The following AFG1L variants were observed in gnomAD, a reference collection of about 807,000 sequenced individuals.
The protein encoded by AFG1L is AFG1-like ATPase.
In AFG1L, 53 loss-of-function variants were observed where a neutral mutation model predicts 62.2. The ratio of observed to expected loss-of-function variants is 0.85; its 90% CI spans 0.68 to 1.07. AFG1L has a LOEUF of 1.07. AFG1L is among the 50% of genes least tolerant of loss of function. AFG1L has a pLI of 0.00. For synonymous variants in AFG1L, 228 were observed against 210.3 expected (o/e 1.08, Z -0.73); for missense variants, 555 against 590.5 (o/e 0.94, Z 0.62).
intron 6 of AFG1L, among the ~76,000 whole-genome samples, chr6:108,396,732 C>A (rs1781326898): frequency 6.6e-6 from 1 of 152,102 alleles, no homozygotes. Context: ...CTCAAATGAT[C>A]CACCTGCCTC....
intron 7 of AFG1L, among the ~76,000 whole-genome samples, chr6:108,425,298 C>G (rs752791641): frequency 6.6e-6 from 1 of 152,110 alleles, no homozygotes; most frequent in Admixed American, 6.6e-5. Context: ...GATGGTTGTT[C>G]ACACTTTTTA....
chr6:108,414,530 C>T (rs992110161), intron 7 of AFG1L, among the ~76,000 whole-genome samples: 5 of 152,176 alleles, frequency 3.3e-5, no homozygotes, highest in African/African-American at 1.2e-4. Flanking sequence ...CAATAAAATA[C>T]TGGCAAACCG....
intron 2 of AFG1L, among the ~76,000 whole-genome samples, chr6:108,346,091 A>G (rs1001791137): frequency 6.6e-6 from 1 of 152,218 alleles, no homozygotes; most frequent in Middle Eastern, 3.2e-3. Context: ...GCTGTGGGCT[A>G]CTATGGTTAT....
chr6:108,335,229 T>C (rs1645561645), intron 2 of AFG1L, among the ~76,000 whole-genome samples: 1 of 151,868 alleles, frequency 6.6e-6, no homozygotes, highest in Non-Finnish European at 1.5e-5. Context: ...CCTTGGCCTC[T>C]GAAAACGTTG....
intron 1 of AFG1L, among the ~76,000 whole-genome samples, chr6:108,304,153 A>G (rs575446753): frequency 6.6e-6 from 1 of 152,298 alleles, no homozygotes; most frequent in Admixed American, 6.5e-5. Flanking sequence ...TAAAGCCCCT[A>G]ACTAAGCCTT....
At chr6:108,347,146 T>A in intron 3 of AFG1L, 107 bp downstream of exon 3, 1 of 954,932 alleles carries the variant, frequency 1.0e-6, no homozygotes, top group Non-Finnish European at 1.7e-6. Context: ...AGCAAGGGAA[T>A]AGGATGAGGC....
intron 2 of AFG1L, among the ~76,000 whole-genome samples, chr6:108,325,904 A>G (rs530762484): frequency 3.1e-4 from 46 of 150,290 alleles, no homozygotes; most frequent in Middle Eastern, 3.5e-3. Context: ...TGCCTCCCAA[A>G]TAGCTGGGAT....
intron 10 of AFG1L, among the ~76,000 whole-genome samples, chr6:108,488,753 A>T (rs1441134377): frequency 6.6e-6 from 1 of 151,970 alleles, no homozygotes; most frequent in African/African-American, 2.4e-5. Flanking sequence ...CTATAATCTC[A>T]GCTACTCGGG....
In AFG1L at chr6:108,330,184, T is replaced by TTA. The variant is rs879743152; in HGVS notation, c.363+6137_363+6138insAT. Reference sequence around the variant, plus strand: ...TGTAAGAAATAAATTCCTTTTTTATTTTTTTTTTTTTTTTGCGACTGAGTC... The same window carrying TTA: ...TGTAAGAAATAAATTCCTTTTTTATTTATTTTTTTTTTTTTTGCGACTGAGTC... On this transcript the variant is annotated intron_variant, in intron 2 of 12. Transcript: ENST00000368977. Among the ~76,000 whole-genome samples, 1,373 of 139,072 alleles carry TTA rather than the reference T, an allele frequency of 9.9e-3. 11 individuals carry two copies. The highest frequency in any genetic ancestry group is 0.015 in the Non-Finnish European group (992 of 64,042). The allele number at this position is 139,072 out of a possible 152,430, so 91.2% of individuals were successfully genotyped here.
intron 7 of AFG1L, among the ~76,000 whole-genome samples, chr6:108,440,468 CT>C (rs1443367282): frequency 6.6e-6 from 1 of 152,034 alleles, no homozygotes; most frequent in Non-Finnish European, 1.5e-5. Flanking sequence ...AGCACCTGGC[CT>C]AAAAAGGATA....
At chr6:108,520,065 G>C in intron 12 of AFG1L, 1 of 280,712 alleles carries the variant, frequency 3.6e-6, no homozygotes, top group South Asian at 4.5e-5. Flanking sequence ...TGAAGCCCAC[G>C]GAGGTGGACT....
At chr6:108,429,649 C>T (rs931934240) in intron 7 of AFG1L, among the ~76,000 whole-genome samples, 2 of 152,088 alleles carry the variant, frequency 1.3e-5, no homozygotes, top group Non-Finnish European at 2.9e-5. Flanking sequence ...TACTTTTATA[C>T]CAGTACCATG....
intron 2 of AFG1L, among the ~76,000 whole-genome samples, chr6:108,334,662 A>C (rs1174969645): frequency 6.6e-6 from 1 of 152,212 alleles, no homozygotes; most frequent in Admixed American, 6.5e-5. Context: ...CTCTTTCTGA[A>C]ATTTCATAAA....
chr6:108,296,611 G>A (rs1427263189), intron 1 of AFG1L, among the ~76,000 whole-genome samples: 1 of 152,088 alleles, frequency 6.6e-6, no homozygotes, highest in Non-Finnish European at 1.5e-5. Context: ...TGTGTATACA[G>A]CAGTTAATTC....
intron 1 of AFG1L, among the ~76,000 whole-genome samples, chr6:108,298,975 A>G (rs1776876210): frequency 6.6e-6 from 1 of 152,060 alleles, no homozygotes; most frequent in Non-Finnish European, 1.5e-5. Context: ...GAATTAACAT[A>G]CTTGGCCAGG....
chr6:108,426,405 T>C (rs1770818031), intron 7 of AFG1L, among the ~76,000 whole-genome samples: 1 of 152,180 alleles, frequency 6.6e-6, no homozygotes, highest in African/African-American at 2.4e-5. Flanking sequence ...AATTAAAGCT[T>C]ACAGGAGCTG....
At position 108,450,063 on chromosome 6, in the gene AFG1L, C is replaced by T. The variant is rs199967854; in HGVS notation, c.890+2767C>T. ...TGTGAATAGTGCCACAATAAACATA[C>T]GTGTGCATGTGTCTTTATAGCAGCA... is the stretch of plus-strand genomic sequence containing the variant. On this transcript the variant is annotated intron_variant, in intron 8 of 12. Transcript: ENST00000368977. Among the ~76,000 whole-genome samples the T allele has an allele frequency of 1.6e-3, 237 of 152,272 alleles. 2 individuals are homozygous for T. In the East Asian group the frequency reaches 0.041, roughly 26 times the overall value.
intron 11 of AFG1L, among the ~76,000 whole-genome samples, chr6:108,511,195 G>GAGGAGA (rs762593783): frequency 2.0e-5 from 3 of 151,868 alleles, no homozygotes; most frequent in Non-Finnish European, 2.9e-5. Context: ...GAAGGAGAAG[G>GAGGAGA]AGGAGAAGGA....
At chr6:108,371,404 C>A (rs962806084) in intron 6 of AFG1L, among the ~76,000 whole-genome samples, 7 of 152,088 alleles carry the variant, frequency 4.6e-5, no homozygotes, top group African/African-American at 1.7e-4. Context: ...TAATGAGACC[C>A]TATCTCTATA....
Sources: gnomAD v4.1 joint callset for allele counts (sites outside exome capture counted in the v4.1 genomes callset) on GRCh38, gnomAD v4.1.1 for gene constraint, MANE v1.5 for transcripts, NCBI Gene and HGNC (gene_info 2026-07-23, HGNC 2026-07-21) for gene names.